The following DENND4C variants were observed in gnomAD, a reference collection of about 807,000 sequenced individuals.
DENND4C encodes DENN domain containing 4C.
DENND4C carries 108 observed loss-of-function variants against 203.0 expected under a neutral mutation model. The observed-to-expected ratio is 0.53, with a 90% CI of 0.46 to 0.62. DENND4C has a LOEUF of 0.62. Ranked by LOEUF, DENND4C falls within the 20% of genes least tolerant of loss-of-function variation. The probability of loss-of-function intolerance (pLI) is 0.00; values close to 1 mark genes in which losing one functional copy is unlikely to be tolerated. For missense variants in DENND4C, 2,481 were observed against 2,301.2 expected, an observed-to-expected ratio of 1.08 and a Z score of -1.60; for synonymous variants, 871 against 792.4, an observed-to-expected ratio of 1.10 and a Z score of -1.67.
chr9:19,299,648 C>T (rs1229265168), intron 8 of DENND4C, among the ~76,000 whole-genome samples: 1 of 152,154 alleles, frequency 6.6e-6, no homozygotes, highest in Non-Finnish European at 1.5e-5. Flanking sequence ...TCATAGTAGG[C>T]TTCCTTGATG....
intron 1 of DENND4C, among the ~76,000 whole-genome samples, chr9:19,265,294 G>GGTGT: frequency 6.6e-6 from 1 of 152,092 alleles, no homozygotes; most frequent in East Asian, 1.9e-4. Context: ...TGGGATTACA[G>GGTGT]GTGTAAGCCA....
At chr9:19,327,911 A>G in intron 15 of DENND4C, 119 bp from the exon 16 acceptor site, 1 of 956,462 alleles carries the variant, frequency 1.0e-6, no homozygotes, top group South Asian at 2.1e-5. Flanking sequence ...TTTTCTATAT[A>G]AGCATTTAAA....
chr9:19,244,356 C>G (rs1824572228), intron 1 of DENND4C, among the ~76,000 whole-genome samples: 1 of 151,910 alleles, frequency 6.6e-6, no homozygotes, highest in African/African-American at 2.4e-5. Context: ...TGTCCTATCT[C>G]TTGTTTGTTC....
intron 10 of DENND4C, among the ~76,000 whole-genome samples, chr9:19,309,204 C>T (rs1356230278): frequency 6.6e-6 from 1 of 152,078 alleles, no homozygotes; most frequent in East Asian, 1.9e-4. Context: ...GGGTGGATCT[C>T]CTGGGGTCGG....
At chr9:19,281,185 A>G (rs374975144) in intron 2 of DENND4C, among the ~76,000 whole-genome samples, 3 of 152,308 alleles carry the variant, frequency 2.0e-5, no homozygotes, top group African/African-American at 7.2e-5. Flanking sequence ...AATTATATGT[A>G]GGTGCTTTCA....
intron 9 of DENND4C, among the ~76,000 whole-genome samples, chr9:19,301,869 G>A (rs1234231620): frequency 6.6e-6 from 1 of 152,094 alleles, no homozygotes; most frequent in African/African-American, 2.4e-5. Context: ...CCCAGGAGGT[G>A]AAGGTTGCTA....
chr9:19,329,853 A>G (rs535836876), intron 16 of DENND4C, among the ~76,000 whole-genome samples: 1 of 152,360 alleles, frequency 6.6e-6, no homozygotes, highest in Admixed American at 6.5e-5. Flanking sequence ...CAACCTAGAC[A>G]TCTTGCTTTA....
At chr9:19,368,424 C>T (rs768467035) in intron 30 of DENND4C, among the ~76,000 whole-genome samples, 1 of 152,066 alleles carries the variant, frequency 6.6e-6, no homozygotes, top group South Asian at 2.1e-4. Flanking sequence ...CCACTACACC[C>T]GGCCGAATTA....
At position 19,361,873 on chromosome 9, in the gene DENND4C, A is replaced by G; in HGVS notation, c.5434A>G (p.Ser1812Gly). Residue 1812 changes from serine (S) to glycine (G), a missense_variant, in exon 30 of 33, where the codon AGC becomes GGC. Physicochemically the swap from Ser to Gly is moderately conservative, Grantham distance 56. Transcript: ENST00000434457. ...QLPLSSLSQD[S>G]KLVYIQLLWD... Reference sequence around the variant, plus strand: ...TCCTCTGTCATCTCTGTCCCAGGATAGCAAACTTGTGTATATTCAGCTGTT... The same window carrying G: ...TCCTCTGTCATCTCTGTCCCAGGATGGCAAACTTGTGTATATTCAGCTGTT... 1.2e-6 allele frequency: 2 copies of G among 1,610,932 alleles called. No homozygotes were observed. Among genetic ancestry groups the G allele is most frequent in the Non-Finnish European group, 1.7e-6 (2 of 1,177,094 alleles).
intron 2 of DENND4C, among the ~76,000 whole-genome samples, chr9:19,279,529 T>C (rs915772904): frequency 1.8e-4 from 27 of 151,222 alleles, no homozygotes; most frequent in African/African-American, 6.6e-4. Flanking sequence ...ATACAAAAAT[T>C]AGTTGGGCAT....
intron 1 of DENND4C, among the ~76,000 whole-genome samples, chr9:19,270,915 A>G (rs1451759553): frequency 6.6e-6 from 1 of 152,234 alleles, no homozygotes; most frequent in African/African-American, 2.4e-5. Flanking sequence ...GTAAAAATCA[A>G]TTGTATTTCT....
At chr9:19,313,534 C>G (rs1841160147) in intron 10 of DENND4C, among the ~76,000 whole-genome samples, 1 of 152,108 alleles carries the variant, frequency 6.6e-6, no homozygotes, top group African/African-American at 2.4e-5. Context: ...AAAGATAGCA[C>G]TAAAATATTA....
At chr9:19,270,631 C>T (rs957100452) in intron 1 of DENND4C, among the ~76,000 whole-genome samples, 2 of 152,146 alleles carry the variant, frequency 1.3e-5, no homozygotes, top group Non-Finnish European at 2.9e-5. Context: ...CACCTTTTGG[C>T]TATTGTGAAT....
intron 1 of DENND4C, among the ~76,000 whole-genome samples, chr9:19,272,142 A>G (rs1447986845): frequency 2.6e-5 from 4 of 151,802 alleles, no homozygotes; most frequent in Non-Finnish European, 5.9e-5. Flanking sequence ...AGACTGGCCC[A>G]GGCATGGTGG....
At chr9:19,356,835 T>C in intron 26 of DENND4C, 137 bp from the exon 27 acceptor site, 1 of 673,166 alleles carries the variant, frequency 1.5e-6, no homozygotes, top group African/African-American at 2.3e-5. Context: ...GTATTGGAAA[T>C]AGGCCGTGTT....
intron 1 of DENND4C, among the ~76,000 whole-genome samples, chr9:19,237,427 C>T (rs1463788303): frequency 1.3e-5 from 2 of 152,160 alleles, no homozygotes; most frequent in African/African-American, 2.4e-5. Flanking sequence ...TCTCGGCTCA[C>T]TGCAACCTCC....
At position 19,333,024 on chromosome 9, in the gene DENND4C, A is replaced by G. The variant is rs1465073998; in HGVS notation, c.2460+840A>G. 3.3e-5 allele frequency among the ~76,000 whole-genome samples: 5 copies of G among 150,164 alleles called. No homozygotes were observed. The East Asian group carries it at 7.8e-4, about 23-fold the overall frequency. ...TAATCTATTTAAAAATATATTTTTT[A>G]TTTATATTTAAATATATATATATAC... On this transcript the variant is annotated intron_variant, in intron 17 of 32. Coordinates refer to ENST00000434457, the MANE Select transcript of DENND4C (RefSeq NM_001330640.2).
In DENND4C at chr9:19,275,982, C is replaced by CT. The variant is rs1272876750; in HGVS notation, c.-17-172dup. On this transcript the variant is annotated intron_variant, in intron 1 of 32. Coordinates refer to ENST00000434457, the MANE Select transcript of DENND4C (RefSeq NM_001330640.2). ...GATGAATTGATGCTGTTAACTTGTA[C>CT]TTTTGCTTTTACCAACTGACAAGAT... 1.4e-4 allele frequency among the ~76,000 whole-genome samples: 22 copies of CT among 152,250 alleles called. 2 individuals are homozygous for CT. Among genetic ancestry groups the CT allele is most frequent in the Admixed American group, 4.6e-4 (7 of 15,296 alleles).
At chr9:19,371,225 G>A (rs1436778957) in intron 31 of DENND4C, among the ~76,000 whole-genome samples, 1 of 152,046 alleles carries the variant, frequency 6.6e-6, no homozygotes, top group Non-Finnish European at 1.5e-5. Flanking sequence ...ACATTTTAAT[G>A]CTCACAAACC....
Sources: allele counts gnomAD v4.1 joint callset (sites outside exome capture counted in the v4.1 genomes callset), GRCh38; gene constraint gnomAD v4.1.1; transcripts MANE v1.5; gene names NCBI Gene and HGNC (gene_info 2026-07-23, HGNC 2026-07-21).